The following EMP2 variants were observed in gnomAD, a reference collection of about 807,000 sequenced individuals.
The protein encoded by EMP2 is epithelial membrane protein 2.
A neutral mutation model predicts 13.7 loss-of-function variants in EMP2; 19 were observed. That is an observed-to-expected ratio of 1.38 (90% CI 0.97 to 2.03). The LOEUF (loss-of-function observed/expected upper bound fraction) is 2.03. EMP2 is among the 30% of genes most tolerant of loss of function. EMP2 has a pLI of 0.00. For synonymous variants in EMP2, 97 were observed against 84.7 expected, an observed-to-expected ratio of 1.15 and a Z score of -0.80; for missense variants, 253 against 220.7, an observed-to-expected ratio of 1.15 and a Z score of -0.93.
chr16:10,561,723 G>A (rs1040652529), intron 1 of EMP2, among the ~76,000 whole-genome samples: 1 of 152,176 alleles, frequency 6.6e-6, no homozygotes. Flanking sequence ...AGTGTCAGGT[G>A]CCTGGCATGT....
intron 1 of EMP2, among the ~76,000 whole-genome samples, chr16:10,568,701 G>A (rs948339865): frequency 6.6e-6 from 1 of 151,704 alleles, no homozygotes; most frequent in African/African-American, 2.4e-5. Context: ...GATTAAAGCT[G>A]CATTCCCTGA....
At chr16:10,555,944 T>C (rs1172335926) in intron 1 of EMP2, among the ~76,000 whole-genome samples, 2 of 152,160 alleles carry the variant, frequency 1.3e-5, no homozygotes, top group Non-Finnish European at 2.9e-5. Flanking sequence ...TCTCCATATT[T>C]CCAAACAATA....
At chr16:10,552,940 A>C (rs3902834) in intron 1 of EMP2, among the ~76,000 whole-genome samples, 51,423 of 152,112 alleles carry the variant, frequency 0.34, 9,187 homozygotes, top group Non-Finnish European at 0.4. Context: ...CATGTAAAGG[A>C]AATGGCAGTT....
chr16:10,530,245 C>CTTGA lies in EMP2; in HGVS notation c.*2659_*2660insTCAA, dbSNP rs2050587652. On this transcript the variant is annotated 3_prime_UTR_variant, in exon 5 of 5. Transcript: ENST00000359543. ...CAGGGAGGATATCTGGATTTGCTCA[C>CTTGA]CCCTGTATTTTCAGAGCCTCACACA... The CTTGA allele has an allele frequency of 6.6e-6, 1 of 152,192 alleles. No individual in the cohort carries two copies. The highest frequency in any genetic ancestry group is 2.4e-5 in the African/African-American group (1 of 41,428). The allele number at this position is 152,192 out of a possible 1,614,324, so 9.4% of individuals were successfully genotyped here.
chr16:10,544,709 C>A (rs1271202782), intron 2 of EMP2: 1 of 152,520 alleles, frequency 6.6e-6, no homozygotes, highest in African/African-American at 2.4e-5. Context: ...GCCGGGGCAA[C>A]CCATCTCTAC....
At chr16:10,570,211 G>GA (rs1293235696) in intron 1 of EMP2, among the ~76,000 whole-genome samples, 2 of 147,998 alleles carry the variant, frequency 1.4e-5, no homozygotes. Flanking sequence ...AAGTGTCCCT[G>GA]AAAAAATGGT....
intron 4 of EMP2, among the ~76,000 whole-genome samples, chr16:10,533,624 T>C (rs1439465728): frequency 1.3e-5 from 2 of 152,142 alleles, no homozygotes; most frequent in Non-Finnish European, 2.9e-5. Flanking sequence ...ACACCACCTA[T>C]AGACAATACA....
chr16:10,537,875 G>A (rs1001612469), intron 4 of EMP2, 53 bp downstream of exon 4: 4 of 1,598,178 alleles, frequency 2.5e-6, no homozygotes, highest in Middle Eastern at 1.7e-4. Flanking sequence ...GGCTGGGAAG[G>A]GAGTGCTTAT....
intron 4 of EMP2, among the ~76,000 whole-genome samples, chr16:10,535,504 G>A (rs1368618563): frequency 6.6e-6 from 1 of 152,110 alleles, no homozygotes; most frequent in Non-Finnish European, 1.5e-5. Context: ...AGAGGCTGAC[G>A]CTGGCAGATT....
rs112925532 is a variant in EMP2 at position 10,557,186 on chromosome 16, G to C, written c.-60-9509C>G. ...AGCCTGGCCAACATGGCAAAACGCT[G>C]TCTCTACTAAAAATACAAATATTAT... On this transcript the variant is annotated intron_variant, in intron 1 of 4. Coordinates refer to ENST00000359543, the MANE Select transcript of EMP2 (RefSeq NM_001424.6). 8.3e-3 allele frequency among the ~76,000 whole-genome samples: 1,270 copies of C among 152,110 alleles called. 21 individuals are homozygous for C. Among genetic ancestry groups the C allele is most frequent in the African/African-American group, 0.029 (1,214 of 41,490 alleles).
intron 1 of EMP2, among the ~76,000 whole-genome samples, chr16:10,549,754 C>T (rs1167152363): frequency 7.0e-6 from 1 of 142,254 alleles, no homozygotes; most frequent in African/African-American, 2.5e-5. Context: ...CACACATACA[C>T]TGTCTCTCTT....
intron 3 of EMP2, among the ~76,000 whole-genome samples, chr16:10,540,260 C>G (rs1476187593): frequency 6.6e-6 from 1 of 152,156 alleles, no homozygotes; most frequent in Non-Finnish European, 1.5e-5. Flanking sequence ...AATCCCAGCA[C>G]TATGGGAGGC....
chr16:10,566,824 A>G (rs1267625464), intron 1 of EMP2, among the ~76,000 whole-genome samples: 1 of 152,080 alleles, frequency 6.6e-6, no homozygotes, highest in Non-Finnish European at 1.5e-5. Context: ...AAAGACATGG[A>G]CCACAAGGTG....
At chr16:10,567,961 C>G (rs980662421) in intron 1 of EMP2, among the ~76,000 whole-genome samples, 1 of 152,098 alleles carries the variant, frequency 6.6e-6, no homozygotes. Context: ...AAGGTCACAC[C>G]CCCAGTAAGT....
intron 1 of EMP2, among the ~76,000 whole-genome samples, chr16:10,555,196 A>G (rs1216619479): frequency 6.6e-6 from 1 of 152,156 alleles, no homozygotes; most frequent in Non-Finnish European, 1.5e-5. Flanking sequence ...CAATCACCCT[A>G]TCTCAGTGGG....
intron 1 of EMP2, among the ~76,000 whole-genome samples, chr16:10,570,423 G>A (rs1256519400): frequency 6.6e-6 from 1 of 152,020 alleles, no homozygotes; most frequent in Admixed American, 6.6e-5. Context: ...TTGAGACAGA[G>A]TCTTGCCCCG....
intron 1 of EMP2, among the ~76,000 whole-genome samples, chr16:10,573,960 CAG>C (rs2050965257): frequency 1.1e-5 from 1 of 92,992 alleles, no homozygotes; most frequent in Non-Finnish European, 1.9e-5. Context: ...TTTTTTGAGA[CAG>C]AGTCTTGCTC....
intron 1 of EMP2, among the ~76,000 whole-genome samples, chr16:10,564,831 C>A (rs546149306): frequency 6.6e-6 from 1 of 152,170 alleles, no homozygotes; most frequent in South Asian, 2.1e-4. Flanking sequence ...GTCCCAGCAA[C>A]GCTTATGTCG....
At chr16:10,550,128 C>T (rs575037045) in intron 1 of EMP2, among the ~76,000 whole-genome samples, 21 of 152,100 alleles carry the variant, frequency 1.4e-4, no homozygotes, top group South Asian at 2.1e-4. Context: ...TCAGGTGATC[C>T]GCCTGCCTCG....
Sources: allele counts gnomAD v4.1 joint callset (sites outside exome capture counted in the v4.1 genomes callset), GRCh38; gene constraint gnomAD v4.1.1; transcripts MANE v1.5; gene names NCBI Gene and HGNC (gene_info 2026-07-23, HGNC 2026-07-21).